Variants in DOCK1 observed in about 807,000 individuals in gnomAD.
DOCK1 encodes the protein dedicator of cytokinesis protein 1.
A neutral mutation model predicts 262.7 loss-of-function variants in DOCK1; 138 were observed. The ratio of observed to expected loss-of-function variants is 0.53; its 90% CI spans 0.46 to 0.61. The LOEUF (loss-of-function observed/expected upper bound fraction) is 0.61. Ranked by LOEUF, DOCK1 falls within the 20% of genes least tolerant of loss-of-function variation. The pLI, the probability that DOCK1 is intolerant of heterozygous loss-of-function variation, is 0.00. For synonymous variants in DOCK1, 866 were observed against 867.4 expected (o/e 1.00, Z 0.03); for missense variants, 1,908 against 2,370.7 (o/e 0.80, Z 4.05).
At chr10:127,156,586 A>C (rs1483366034) in intron 27 of DOCK1, among the ~76,000 whole-genome samples, 1 of 59,700 alleles carries the variant, frequency 1.7e-5, no homozygotes, top group Non-Finnish European at 3.1e-5. Flanking sequence ...TTTTTTTTTG[A>C]GACCAAGTTT....
intron 31 of DOCK1, among the ~76,000 whole-genome samples, chr10:127,353,085 A>T (rs1262970625): frequency 6.6e-6 from 1 of 152,036 alleles, no homozygotes; most frequent in Non-Finnish European, 1.5e-5. Context: ...TTCTGATGCC[A>T]CTTTCCTGGG....
At chr10:127,417,951 G>T (rs960179247) in intron 44 of DOCK1, among the ~76,000 whole-genome samples, 2 of 151,998 alleles carry the variant, frequency 1.3e-5, no homozygotes, top group African/African-American at 2.4e-5. Flanking sequence ...CTCCCTAACC[G>T]GACAGGTAGT....
chr10:127,100,335 G>A lies in DOCK1; in HGVS notation c.2446-5896G>A, dbSNP rs571703295. On this transcript the variant is annotated intron_variant, in intron 23 of 51. Transcript: ENST00000623213. This position sits in a 1 kb window ranked among gnomAD's most constrained non-coding sequence, Gnocchi z 5.5. Reference sequence around the variant, plus strand: ...CCGAGGGCTCTGTCGCTGCCTAGAAGGGGGCTGTGAGGAAGAGAGAACACC... The same window carrying A: ...CCGAGGGCTCTGTCGCTGCCTAGAAAGGGGCTGTGAGGAAGAGAGAACACC... Among the ~76,000 whole-genome samples, 11 of 152,306 alleles carry A rather than the reference G, an allele frequency of 7.2e-5. No individual in the cohort carries two copies. Among genetic ancestry groups the A allele is most frequent in the Non-Finnish European group, 1.5e-4 (10 of 68,024 alleles).
intron 1 of DOCK1, among the ~76,000 whole-genome samples, chr10:126,947,572 T>TTGG (rs1419329425): frequency 2.0e-5 from 2 of 102,062 alleles, no homozygotes; most frequent in Admixed American, 9.3e-5. Flanking sequence ...AGTATTACTG[T>TTGG]TGGTGGTGGT....
At chr10:127,090,574 A>C (rs758809883) in intron 23 of DOCK1, among the ~76,000 whole-genome samples, 3 of 152,036 alleles carry the variant, frequency 2.0e-5, no homozygotes, top group Non-Finnish European at 4.4e-5. Context: ...CATGGGGTAC[A>C]TTTACAGTAC....
intron 4 of DOCK1, among the ~76,000 whole-genome samples, chr10:126,983,186 C>T (rs1188267080): frequency 6.6e-6 from 1 of 152,174 alleles, no homozygotes; most frequent in Admixed American, 6.5e-5. Flanking sequence ...CCTGCCTTTG[C>T]TTTGGGTTCC....
At chr10:127,009,455 G>A (rs2041267607) in intron 11 of DOCK1, among the ~76,000 whole-genome samples, 1 of 152,084 alleles carries the variant, frequency 6.6e-6, no homozygotes, top group Admixed American at 6.5e-5. Context: ...TCCCTCGTGT[G>A]GAAGCAAGAG....
rs1373384111 is a variant in DOCK1, at chr10:127,443,373, A to G, written c.5260-753A>G. On this transcript the variant is annotated intron_variant, in intron 49 of 51. Coordinates refer to ENST00000623213, the MANE Select transcript of DOCK1 (RefSeq NM_001290223.2). The stretch of plus-strand genomic sequence containing the variant: ...AAATAAAAGTAGCATGGACTCTGGG[A>G]GAGGAGCAGGCTGACCCTGTGGAGA... Among the ~76,000 whole-genome samples the G allele has an allele frequency of 7.2e-5, 11 of 152,284 alleles. No homozygotes were observed. In the East Asian group the frequency reaches 2.1e-3, roughly 29 times the overall value.
At chr10:127,222,931 CT>C (rs747413595) in intron 27 of DOCK1, among the ~76,000 whole-genome samples, 4 of 152,170 alleles carry the variant, frequency 2.6e-5, no homozygotes, top group Non-Finnish European at 5.9e-5. Context: ...TCTGCCTTAG[CT>C]TCCCCAAATT....
chr10:127,300,232 C>A, intron 29 of DOCK1, among the ~76,000 whole-genome samples: 1 of 152,174 alleles, frequency 6.6e-6, no homozygotes, highest in Non-Finnish European at 1.5e-5. Context: ...GACCACCATG[C>A]AAAGCAGGAT....
chr10:127,447,098 G>A (rs915509695), intron 50 of DOCK1, among the ~76,000 whole-genome samples: 3 of 152,188 alleles, frequency 2.0e-5, no homozygotes, highest in Non-Finnish European at 4.4e-5. Flanking sequence ...AGGGACAGAA[G>A]AGGCCGGGGT....
chr10:127,369,983 C>T (rs1409513186), intron 33 of DOCK1, among the ~76,000 whole-genome samples: 1 of 152,176 alleles, frequency 6.6e-6, no homozygotes, highest in Non-Finnish European at 1.5e-5. Context: ...TCACACTTCT[C>T]TCTGCTGAAC....
chr10:127,063,564 C>A (rs2045673744), intron 23 of DOCK1, among the ~76,000 whole-genome samples: 1 of 152,010 alleles, frequency 6.6e-6, no homozygotes. Context: ...GTTATTTGGG[C>A]AACTTGATAT....
At chr10:127,418,222 G>T in intron 44 of DOCK1, 143 bp from the exon 45 acceptor site, 1 of 890,760 alleles carries the variant, frequency 1.1e-6, no homozygotes, top group Non-Finnish European at 1.7e-6. Flanking sequence ...ATAATAAAAT[G>T]CCCAGCCACC....
intron 1 of DOCK1, among the ~76,000 whole-genome samples, chr10:126,965,226 G>A (rs1227358237): frequency 6.6e-6 from 1 of 152,148 alleles, no homozygotes; most frequent in Non-Finnish European, 1.5e-5. Flanking sequence ...GCCTGGAAAA[G>A]GCTGTGGAAT....
chr10:127,204,093 C>G (rs1219266220), intron 27 of DOCK1, among the ~76,000 whole-genome samples: 1 of 152,120 alleles, frequency 6.6e-6, no homozygotes, highest in African/African-American at 2.4e-5. Flanking sequence ...CCTTCTCCCC[C>G]TTGCCTGGAC....
At chr10:127,438,759 A>G (rs572818340) in intron 48 of DOCK1, among the ~76,000 whole-genome samples, 40 of 152,174 alleles carry the variant, frequency 2.6e-4, no homozygotes, top group Non-Finnish European at 4.6e-4. Flanking sequence ...TAAATGAACA[A>G]TTCCTTAATA....
intron 14 of DOCK1, among the ~76,000 whole-genome samples, chr10:127,023,787 A>C (rs2042624390): frequency 6.6e-6 from 1 of 152,044 alleles, no homozygotes; most frequent in East Asian, 1.9e-4. Context: ...GTGGAGTCTC[A>C]TTTGCTGTCA....
intron 3 of DOCK1, among the ~76,000 whole-genome samples, chr10:126,980,906 A>G (rs2134830281): frequency 6.6e-6 from 1 of 151,142 alleles, no homozygotes; most frequent in East Asian, 2.0e-4. Flanking sequence ...TTATTCCAGT[A>G]AGGGAGTTAT....
Sources: gnomAD v4.1 joint callset for allele counts (sites outside exome capture counted in the v4.1 genomes callset) on GRCh38, gnomAD v4.1.1 for gene constraint, Gnocchi (gnomAD v3.1) non-coding constraint, MANE v1.5 for transcripts, NCBI Gene and HGNC (gene_info 2026-07-23, HGNC 2026-07-21) for gene names.